The following CALCR variants were observed in gnomAD, a reference collection of about 807,000 sequenced individuals.
CALCR encodes the protein calcitonin receptor.
In CALCR, 47 loss-of-function variants were observed where a neutral mutation model predicts 59.5. That is an observed-to-expected ratio of 0.79 (90% confidence interval 0.63 to 1.01). CALCR has a LOEUF of 1.01. CALCR is among the 50% of genes least tolerant of loss of function. The pLI, the probability that CALCR is intolerant of heterozygous loss-of-function variation, is 0.00. For missense variants in CALCR, 566 were observed against 597.1 expected, an observed-to-expected ratio of 0.95 and a Z score of 0.54; for synonymous variants, 213 against 211.3, an observed-to-expected ratio of 1.01 and a Z score of -0.07.
intron 11 of CALCR, among the ~76,000 whole-genome samples, chr7:93,437,248 T>C (rs560037178): frequency 3.0e-4 from 46 of 152,260 alleles, no homozygotes; most frequent in African/African-American, 1.1e-3. Flanking sequence ...ATTTTAAATA[T>C]AGGAATAATT....
intron 2 of CALCR, among the ~76,000 whole-genome samples, chr7:93,502,625 T>A (rs1344553122): frequency 6.6e-6 from 1 of 152,128 alleles, no homozygotes; most frequent in South Asian, 2.1e-4. Flanking sequence ...CTCTTGATAT[T>A]ATAAATTGGT....
chr7:93,452,219 A>G (rs145426195), intron 8 of CALCR, among the ~76,000 whole-genome samples: 48 of 152,166 alleles, frequency 3.2e-4, no homozygotes, highest in African/African-American at 1.2e-3. Context: ...TTTAGGGTTC[A>G]GAGAGAGTCT....
intron 2 of CALCR, among the ~76,000 whole-genome samples, chr7:93,509,110 T>C (rs9691432): frequency 0.12 from 18,156 of 152,014 alleles, 2,330 homozygotes; most frequent in African/African-American, 0.31. Flanking sequence ...TGTGGTGCCA[T>C]ATTGGCTCAG....
At position 93,540,032 on chromosome 7, in the gene CALCR, T is replaced by C. The variant is rs544289573; in HGVS notation, c.-27+34257A>G. Among the ~76,000 whole-genome samples the C allele has an allele frequency of 2.6e-5, 4 of 152,274 alleles. No individual in the cohort carries two copies. In the South Asian group the frequency reaches 8.3e-4, roughly 32 times the overall value. On this transcript the variant is annotated intron_variant, in intron 2 of 13. Transcript: ENST00000426151. ...GCCTAGTCCCATTCCCTTGGGGGAA[T>C]TGTGGGGAGAAGAAAGAGAGTAGCT... is the stretch of plus-strand genomic sequence containing the variant.
At chr7:93,448,057 G>A (rs1800038090) in intron 8 of CALCR, among the ~76,000 whole-genome samples, 1 of 152,004 alleles carries the variant, frequency 6.6e-6, no homozygotes, top group Non-Finnish European at 1.5e-5. Context: ...TTCACAAAGA[G>A]AAGACCCAGG....
chr7:93,530,697 G>A (rs1423284123), intron 2 of CALCR, among the ~76,000 whole-genome samples: 1 of 152,098 alleles, frequency 6.6e-6, no homozygotes, highest in African/African-American at 2.4e-5. Flanking sequence ...TGGAAACAAA[G>A]AGTAATATTA....
At chr7:93,532,688 C>T (rs12668072) in intron 2 of CALCR, among the ~76,000 whole-genome samples, 13,419 of 151,660 alleles carry the variant, frequency 0.088, 672 homozygotes, top group African/African-American at 0.11. Flanking sequence ...GGTTAGGTTT[C>T]GGAAGAGTGG....
In CALCR at chr7:93,554,793, T is replaced by TATATATATATATATATATA. The variant is rs1789552399; in HGVS notation, c.-27+19495_-27+19496insTATATATATATATATATAT. 9.1e-5 allele frequency among the ~76,000 whole-genome samples: 9 copies of TATATATATATATATATATA among 99,004 alleles called. 1 individual carries two copies. Among genetic ancestry groups the TATATATATATATATATATA allele is most frequent in the African/African-American group, 7.6e-4 (9 of 11,894 alleles). 65.0% of individuals were successfully genotyped at this position (99,004 alleles called of 152,430 possible). On this transcript the variant is annotated intron_variant, in intron 2 of 13. Transcript: ENST00000426151. ...TGTATATATATATATATATATATATTATACGTACATGTCATTTTAGAAAGT... is the reference window on the plus strand; with the variant it reads ...TGTATATATATATATATATATATATTATATATATATATATATATAATACGTACATGTCATTTTAGAAAGT...
intron 8 of CALCR, among the ~76,000 whole-genome samples, chr7:93,446,379 C>T (rs1488072272): frequency 6.6e-6 from 1 of 151,950 alleles, no homozygotes; most frequent in Non-Finnish European, 1.5e-5. Flanking sequence ...TTATCAGTGT[C>T]ACCTGATAAT....
chr7:93,431,261 C>G (rs1035916541), intron 13 of CALCR, among the ~76,000 whole-genome samples: 2 of 152,210 alleles, frequency 1.3e-5, no homozygotes, highest in Non-Finnish European at 2.9e-5. Flanking sequence ...TCCATTACAT[C>G]AAGTTTTTCT....
chr7:93,479,641 G>GT (rs1017039510), intron 3 of CALCR, 134 bp from the exon 4 acceptor site: 1 of 726,648 alleles, frequency 1.4e-6, no homozygotes, highest in South Asian at 2.3e-5. Flanking sequence ...TCTATGTACA[G>GT]TTTTTTTCAT....
At chr7:93,491,161 A>C (rs903881234) in intron 2 of CALCR, among the ~76,000 whole-genome samples, 5 of 152,136 alleles carry the variant, frequency 3.3e-5, no homozygotes, top group African/African-American at 1.2e-4. Flanking sequence ...TGGGGAAAGG[A>C]TTTCCTATTC....
At chr7:93,460,562 A>ATATATATATATAT (rs1305307735) in intron 8 of CALCR, among the ~76,000 whole-genome samples, 26 of 85,784 alleles carry the variant, frequency 3.0e-4, no homozygotes, top group African/African-American at 2.3e-3. Context: ...TCTAAAAAAA[A>ATATATATATATAT]AAAAAAAAAA....
Position 93,468,764 on chromosome 7 carries a change from A to G in CALCR, c.472T>C (p.Leu158=), listed in dbSNP as rs1169778872. 4 of 1,611,206 alleles carry G rather than the reference A, an allele frequency of 2.5e-6. No individual in the cohort carries two copies. The highest frequency in any genetic ancestry group is 1.1e-5 in the South Asian group (1 of 90,942). ...LYYLAIVGHS[L]SIFTLVISLG... ...GAAATCACTAGGGTGAAAATTGACA[A>G]AGAATGACCCACAATAGCCAAATAG... The change falls in exon 7 of 14, where the codon TTG becomes CTG. Residue 158 remains leucine, a synonymous_variant. Transcript: ENST00000426151.
chr7:93,502,656 GTC>G (rs1216374444), intron 2 of CALCR, among the ~76,000 whole-genome samples: 4 of 151,982 alleles, frequency 2.6e-5, no homozygotes, highest in Non-Finnish European at 5.9e-5. Flanking sequence ...TTGTAGAAAT[GTC>G]CATCATAACT....
chr7:93,473,587 C>CA (rs1207464768), intron 5 of CALCR, among the ~76,000 whole-genome samples: 1 of 144,334 alleles, frequency 6.9e-6, no homozygotes, highest in Non-Finnish European at 1.5e-5. Flanking sequence ...TTGGCCCCCC[C>CA]CCCTTTTTTT....
In CALCR at chr7:93,426,440, C is replaced by A. The variant is rs1287831417; in HGVS notation, c.1341G>T (p.Leu447=). 8 of 1,613,814 alleles carry A rather than the reference C, an allele frequency of 5.0e-6. No individual in the cohort carries two copies. In the Admixed American group the frequency reaches 1.2e-4, roughly 24 times the overall value. Residue 447 remains leucine (L), a synonymous_variant, in exon 14 of 14, where the codon CTG becomes CTT. Transcript: ENST00000426151. ...CTTGGTTGTTGGCTGGTTCATTCCT[C>A]AGCTCCTGATGGCAGATGTAAATTG... ...DIPIYICHQE[L]RNEPANNQGE...
At chr7:93,468,838 T>A (rs764602457) in intron 6 of CALCR, 32 bp from the exon 7 acceptor site, 76 of 481,566 alleles carry the variant, frequency 1.6e-4, no homozygotes, top group South Asian at 2.3e-4. Context: ...AAACAAACAA[T>A]GAATGAATGA....
At chr7:93,438,714 G>A (rs1799837281) in intron 9 of CALCR, among the ~76,000 whole-genome samples, 2 of 152,154 alleles carry the variant, frequency 1.3e-5, no homozygotes, top group Non-Finnish European at 2.9e-5. Context: ...AGCCTTAGCT[G>A]ATGTTCACAT....
Sources: gnomAD v4.1 joint callset for allele counts (sites outside exome capture counted in the v4.1 genomes callset) on GRCh38, gnomAD v4.1.1 for gene constraint, MANE v1.5 for transcripts, NCBI Gene and HGNC (gene_info 2026-07-23, HGNC 2026-07-21) for gene names.